HMCN1: variants seen among roughly 807,000 people sequenced by gnomAD.
HMCN1 encodes the protein hemicentin 1.
HMCN1 carries 321 observed loss-of-function variants against 625.9 expected under a neutral mutation model. The observed-to-expected ratio is 0.51, with a 90% confidence interval of 0.47 to 0.56. HMCN1 has a LOEUF of 0.56. Ranked by LOEUF, HMCN1 falls within the 20% of genes least tolerant of loss-of-function variation. The pLI is 0.00. For synonymous variants in HMCN1, 2,425 were observed against 2,417.6 expected (o/e 1.00, Z -0.09); for missense variants, 6,588 against 6,887.3 (o/e 0.96, Z 1.54).
intron 40 of HMCN1, among the ~76,000 whole-genome samples, chr1:186,042,638 GAT>G (rs1408219885): frequency 1.3e-5 from 2 of 152,208 alleles, no homozygotes; most frequent in East Asian, 1.9e-4. Context: ...ATGGCTAGCT[GAT>G]ATATATGTTT....
intron 1 of HMCN1, among the ~76,000 whole-genome samples, chr1:185,760,457 C>A (rs546563688): frequency 1.3e-5 from 2 of 152,046 alleles, no homozygotes; most frequent in Admixed American, 1.3e-4. Context: ...AGTTCTTCAA[C>A]GTAAAAGAAT....
At chr1:185,958,733 A>G (rs1239002625) in intron 11 of HMCN1, among the ~76,000 whole-genome samples, 2 of 152,174 alleles carry the variant, frequency 1.3e-5, no homozygotes, top group Non-Finnish European at 2.9e-5. Context: ...GGAGCAAGCA[A>G]TGTCTGCATT....
At chr1:185,757,183 C>T (rs116003839) in intron 1 of HMCN1, among the ~76,000 whole-genome samples, 6,343 of 152,170 alleles carry the variant, frequency 0.042, 400 homozygotes, top group African/African-American at 0.14. Flanking sequence ...TTGTTGACCA[C>T]GCTGGTCTTG....
intron 10 of HMCN1, among the ~76,000 whole-genome samples, chr1:185,929,446 AG>A (rs34430694): frequency 6.6e-6 from 1 of 152,174 alleles, no homozygotes; most frequent in African/African-American, 2.4e-5. Context: ...ATCAATGATC[AG>A]GATTAAGCCA....
chr1:185,898,411 T>G (rs1020033893), intron 4 of HMCN1, among the ~76,000 whole-genome samples: 10 of 152,308 alleles, frequency 6.6e-5, no homozygotes, highest in Admixed American at 3.3e-4. Context: ...TGAAAAAGAA[T>G]GAAGTCTTGG....
chr1:185,784,461 G>A (rs150695096), intron 1 of HMCN1, among the ~76,000 whole-genome samples: 4,723 of 152,082 alleles, frequency 0.031, 222 homozygotes, highest in African/African-American at 0.1. Context: ...GGGAGCTGTC[G>A]ACTGGAGCTG....
rs935004237 is a variant in HMCN1, at chr1:185,947,026, A to G, written c.1828+13202A>G. On this transcript the variant is annotated intron_variant, in intron 11 of 106. Coordinates refer to ENST00000271588, the MANE Select transcript of HMCN1 (RefSeq NM_031935.3). ...TTATTAACTGAATTTTATAACCATA[A>G]TGGTGTTTGAAATGTGGAATTCTTT... 2.6e-5 allele frequency among the ~76,000 whole-genome samples: 4 copies of G among 152,136 alleles called. No homozygotes were observed. In the East Asian group the frequency reaches 7.7e-4, roughly 29 times the overall value.
chr1:186,186,321 G>T (rs1204112486), intron 105 of HMCN1, among the ~76,000 whole-genome samples: 2 of 152,112 alleles, frequency 1.3e-5, no homozygotes, highest in Non-Finnish European at 2.9e-5. Flanking sequence ...AAGGTCAGGG[G>T]TTCAAGACCA....
intron 1 of HMCN1, among the ~76,000 whole-genome samples, chr1:185,786,676 A>T (rs1657592073): frequency 6.6e-6 from 1 of 152,234 alleles, no homozygotes; most frequent in Non-Finnish European, 1.5e-5. Flanking sequence ...TATTAATGTT[A>T]AAACTATTTG....
At chr1:186,086,703 G>C (rs1459044856) in intron 58 of HMCN1, among the ~76,000 whole-genome samples, 1 of 151,980 alleles carries the variant, frequency 6.6e-6, no homozygotes, top group Non-Finnish European at 1.5e-5. Context: ...ACTTTCATTG[G>C]ATACATCTGC....
At chr1:186,062,709 T>A (rs1657793190) in intron 48 of HMCN1, 109 bp downstream of exon 48, 2 of 730,762 alleles carry the variant, frequency 2.7e-6, no homozygotes, top group Non-Finnish European at 5.0e-6. Context: ...ACAAGTGCGG[T>A]TTTGTTACAT....
chr1:186,039,985 A>G, intron 39 of HMCN1, 106 bp downstream of exon 39: 1 of 1,160,404 alleles, frequency 8.6e-7, no homozygotes, highest in Non-Finnish European at 1.3e-6. Flanking sequence ...GGATTAACAG[A>G]TGCTATTTTT....
At chr1:185,975,527 C>G (rs1479362829) in intron 15 of HMCN1, among the ~76,000 whole-genome samples, 1 of 152,056 alleles carries the variant, frequency 6.6e-6, no homozygotes, top group East Asian at 1.9e-4. Context: ...AATCACCTCC[C>G]ACCAGGCCCC....
chr1:185,932,486 A>G (rs947837753), intron 10 of HMCN1, among the ~76,000 whole-genome samples: 1 of 152,198 alleles, frequency 6.6e-6, no homozygotes, highest in Non-Finnish European at 1.5e-5. Context: ...GCTAGCATAG[A>G]TCACTGCAGT....
At chr1:185,777,896 T>C (rs1359027834) in intron 1 of HMCN1, among the ~76,000 whole-genome samples, 5 of 152,246 alleles carry the variant, frequency 3.3e-5, no homozygotes, top group East Asian at 1.9e-4. Flanking sequence ...ACTGGATATA[T>C]TGGGCATTCA....
At chr1:185,758,009 T>C (rs1655243652) in intron 1 of HMCN1, among the ~76,000 whole-genome samples, 1 of 152,226 alleles carries the variant, frequency 6.6e-6, no homozygotes. Flanking sequence ...CAAGTAAAAA[T>C]GATTTAAAAA....
chr1:186,028,087 A>G lies in HMCN1; in HGVS notation c.5749+4934A>G, dbSNP rs189637227. The stretch of plus-strand genomic sequence containing the variant: ...TAGATAGAGAATATTAACTCACAAA[A>G]ATTACATTTAGATTGCTTATGTACT... On this transcript the variant is annotated intron_variant, in intron 36 of 106. Transcript: ENST00000271588. Among the ~76,000 whole-genome samples the G allele has an allele frequency of 8.9e-4, 136 of 152,270 alleles. 1 individual carries two copies. Among genetic ancestry groups the G allele is most frequent in the East Asian group, 1.9e-3 (10 of 5,180 alleles).
Position 186,053,975 on chromosome 1 carries a change from T to G in HMCN1, c.6851T>G (p.Leu2284Arg). 3.7e-6 allele frequency: 6 copies of G among 1,612,400 alleles called. No individual in the cohort carries two copies. Among genetic ancestry groups the G allele is most frequent in the Non-Finnish European group, 5.1e-6 (6 of 1,179,070 alleles). Residue 2284 changes from leucine to arginine, a missense_variant, in exon 44 of 107, where the codon CTG (leucine) becomes CGG (arginine). By Grantham distance (102) the Leu-to-Arg change is moderately radical (BLOSUM62 -2). Around this residue, in one of 3 missense-constraint regions of HMCN1, gnomAD observed 4,628 missense variants for 4,853.1 expected, o/e 0.95. Transcript: ENST00000271588. ...VAGTAKKEYN[L>R]QVYIRPTITN... ...GGGACTGCAAAGAAAGAATACAATCTGCAAGTTTACAGTAAGTTGTTGATT... is the reference window on the plus strand; with the variant it reads ...GGGACTGCAAAGAAAGAATACAATCGGCAAGTTTACAGTAAGTTGTTGATT...
intron 4 of HMCN1, among the ~76,000 whole-genome samples, chr1:185,899,316 G>A (rs972129822): frequency 1.1e-4 from 17 of 152,040 alleles, no homozygotes; most frequent in African/African-American, 4.1e-4. Context: ...TGTTATTTCT[G>A]TAGAGAATAT....
Sources: gnomAD v4.1 joint callset for allele counts (sites outside exome capture counted in the v4.1 genomes callset) on GRCh38, gnomAD v4.1.1 for gene constraint, gnomAD v4.1.1 regional missense constraint, MANE v1.5 for transcripts, NCBI Gene and HGNC (gene_info 2026-07-23, HGNC 2026-07-21) for gene names.